ANKRD36C: variants seen among roughly 807,000 people sequenced by gnomAD.
ANKRD36C encodes the protein ankyrin repeat domain 36C.
In ANKRD36C, 61 loss-of-function variants were observed where a neutral mutation model predicts 276.4. The observed-to-expected ratio is 0.22, with a 90% CI of 0.18 to 0.27. The LOEUF (loss-of-function observed/expected upper bound fraction) is 0.27, where lower values mean the gene tolerates loss of function less well. ANKRD36C is among the 10% of genes least tolerant of loss of function. The pLI, the probability that ANKRD36C is intolerant of heterozygous loss-of-function variation, is 1.00. For missense variants in ANKRD36C, 1,447 were observed against 2,032.3 expected (o/e 0.71, Z 5.54); for synonymous variants, 483 against 680.1 (o/e 0.71, Z 4.51).
intron 4 of ANKRD36C, among the ~76,000 whole-genome samples, chr2:95,981,326 A>C (rs955832885): frequency 6.9e-6 from 1 of 145,758 alleles, no homozygotes; most frequent in African/African-American, 2.5e-5. Context: ...GTTGTGTATA[A>C]GTAACACCAC....
At chr2:95,855,339 T>C in exon 63 of ANKRD36C, 1 of 1,611,286 alleles carries the variant, frequency 6.2e-7, no homozygotes, top group South Asian at 1.1e-5. Context: ...CACCAACATT[T>C]TATTGTCTTC....
chr2:95,853,575 T>C (rs1675340538), intron 64 of ANKRD36C, 134 bp downstream of exon 84: 1 of 872,308 alleles, frequency 1.1e-6, no homozygotes, highest in Non-Finnish European at 1.7e-6. Context: ...CCATCCACTA[T>C]AAAATTTTAA....
At chr2:95,869,377 A>C (rs1675751746) in intron 59 of ANKRD36C, among the ~76,000 whole-genome samples, 1 of 152,206 alleles carries the variant, frequency 6.6e-6, no homozygotes, top group Non-Finnish European at 1.5e-5. Flanking sequence ...TGGTACTATA[A>C]AGGCAGTCAC....
At chr2:95,888,576 C>CAATT (rs1280687195) in intron 48 of ANKRD36C, among the ~76,000 whole-genome samples, 2 of 151,696 alleles carry the variant, frequency 1.3e-5, no homozygotes, top group African/African-American at 4.8e-5. Context: ...AGAAGGCACA[C>CAATT]AATTACAATG....
At chr2:95,874,332 T>G (rs1196584347) in intron 59 of ANKRD36C, among the ~76,000 whole-genome samples, 1 of 152,016 alleles carries the variant, frequency 6.6e-6, no homozygotes, top group African/African-American at 2.4e-5. Context: ...AAAACAGAGA[T>G]ATAGACCAAT....
Position 95,903,113 on chromosome 2 carries a change from T to C in ANKRD36C, c.2654-3777A>G, listed in dbSNP as rs528334039. On this transcript the variant is annotated intron_variant, in intron 42 of 66. Transcript: ENST00000456556. Reference sequence around the variant, plus strand: ...AGTAAAAGGGATTCATAATCACTCATATGTAAAAATGACAAAATTATCCAC... The same window carrying C: ...AGTAAAAGGGATTCATAATCACTCACATGTAAAAATGACAAAATTATCCAC... 24 of 1,551,698 alleles carry C rather than the reference T, an allele frequency of 1.5e-5. 1 individual carries two copies. The highest frequency in any genetic ancestry group is 9.6e-5 in the African/African-American group (7 of 72,782).
intron 56 of ANKRD36C, among the ~76,000 whole-genome samples, chr2:95,881,745 GAAGT>G (rs1676089930): frequency 6.7e-6 from 1 of 150,368 alleles, no homozygotes; most frequent in African/African-American, 2.4e-5. Context: ...AAATGCATCT[GAAGT>G]GAGTTCACTC....
intron 8 of ANKRD36C, among the ~76,000 whole-genome samples, chr2:95,961,754 T>C (rs898666049): frequency 5.3e-5 from 8 of 152,036 alleles, no homozygotes; most frequent in African/African-American, 1.9e-4. Flanking sequence ...CTTCCAGTAG[T>C]TCCTGGAGCA....
At chr2:95,903,214 G>T (rs1676708952) in intron 42 of ANKRD36C, 133 bp from the exon 53 acceptor site, 1 of 1,423,864 alleles carries the variant, frequency 7.0e-7, no homozygotes, top group Non-Finnish European at 9.6e-7. Flanking sequence ...TCTACTTTGT[G>T]TCTGGGGACT....
chr2:95,967,521 T>A (rs1161228034), intron 6 of ANKRD36C, among the ~76,000 whole-genome samples: 1 of 152,142 alleles, frequency 6.6e-6, no homozygotes, highest in Non-Finnish European at 1.5e-5. Flanking sequence ...GAAATACGAA[T>A]GCTTTTACAC....
intron 40 of ANKRD36C, 133 bp from the exon 43 acceptor site, chr2:95,912,568 G>A: frequency 2.0e-6 from 3 of 1,527,808 alleles, no homozygotes; most frequent in South Asian, 1.2e-5. Flanking sequence ...TCTATTTTGT[G>A]TCTGGGGACC....
At chr2:95,910,930 C>T (rs1311937567) in intron 42 of ANKRD36C, among the ~76,000 whole-genome samples, 3 of 135,190 alleles carry the variant, frequency 2.2e-5, no homozygotes, top group African/African-American at 8.4e-5. Flanking sequence ...GCCACATGAT[C>T]CCACATGTCT....
chr2:95,985,816 G>C (rs182789256), intron 3 of ANKRD36C, among the ~76,000 whole-genome samples: 1 of 152,260 alleles, frequency 6.6e-6, no homozygotes, highest in East Asian at 1.9e-4. Flanking sequence ...TAGGGGTAGG[G>C]AAGAGACTAG....
Position 95,897,431 on chromosome 2 carries a change from C to G in ANKRD36C, c.2755+1714G>C. 6.5e-7 allele frequency: 1 copy of G among 1,539,888 alleles called. No individual in the cohort carries two copies. The highest frequency in any genetic ancestry group is 8.8e-7 in the Non-Finnish European group (1 of 1,137,582). On this transcript the variant is annotated intron_variant, in intron 44 of 66. Coordinates refer to ENST00000456556, the Ensembl canonical transcript of ANKRD36C. ...TAGTTCACAATATAAATGACAGTTT[C>G]ATTACCTTCAAGCCTGGTGGTTGCT...
intron 20 of ANKRD36C, 112 bp downstream of exon 20, chr2:95,941,048 G>A: frequency 2.3e-6 from 2 of 853,620 alleles, no homozygotes; most frequent in Non-Finnish European, 3.1e-6. Flanking sequence ...TTAAAGCATA[G>A]AAAATTATTC....
intron 10 of ANKRD36C, 110 bp downstream of exon 10, chr2:95,960,363 G>C: frequency 7.5e-7 from 1 of 1,338,134 alleles, no homozygotes. Context: ...TCTCAGGCCC[G>C]CTGAATCAGA....
chr2:95,928,483 C>T (rs1001721368), intron 26 of ANKRD36C, among the ~76,000 whole-genome samples: 7 of 151,502 alleles, frequency 4.6e-5, no homozygotes, highest in Non-Finnish European at 8.9e-5. Context: ...CTTGGAGCAG[C>T]CAAAATCAAA....
At chr2:95,880,714 T>C (rs112704122) in intron 56 of ANKRD36C, 91 bp from the exon 77 acceptor site, 35,923 of 1,448,884 alleles carry the variant, frequency 0.025, 596 homozygotes, top group Middle Eastern at 0.073. Flanking sequence ...AACTGAATAC[T>C]CTTGCCTGTA....
At chr2:95,902,754 T>C (rs1251379269) in intron 42 of ANKRD36C, 132 bp downstream of exon 54, 3 of 1,202,654 alleles carry the variant, frequency 2.5e-6, no homozygotes, top group East Asian at 5.5e-5. Flanking sequence ...ACAAACTTAT[T>C]TGAAATGAAG....
Sources: allele counts gnomAD v4.1 joint callset (sites outside exome capture counted in the v4.1 genomes callset), GRCh38; gene constraint gnomAD v4.1.1; transcripts MANE v1.5; gene names NCBI Gene and HGNC (gene_info 2026-07-23, HGNC 2026-07-21).